Variants in CABLES1 observed in about 807,000 individuals in gnomAD.
The protein encoded by CABLES1 is CDK5 and ABL1 enzyme substrate 1.
A neutral mutation model predicts 57.8 loss-of-function variants in CABLES1; 36 were observed. The ratio of observed to expected loss-of-function variants is 0.62; its 90% CI spans 0.48 to 0.82. CABLES1 has a LOEUF of 0.82. CABLES1 is among the 40% of genes least tolerant of loss of function. The pLI, the probability that CABLES1 is intolerant of heterozygous loss-of-function variation, is 0.00. For missense variants in CABLES1, 767 were observed against 836.6 expected (o/e 0.92, Z 1.03); for synonymous variants, 374 against 363.0 (o/e 1.03, Z -0.35).
chr18:23,143,036 T>C (rs919064465), intron 1 of CABLES1, among the ~76,000 whole-genome samples: 4 of 152,200 alleles, frequency 2.6e-5, no homozygotes, highest in Admixed American at 1.3e-4. Context: ...CCCACCTCCC[T>C]CTGCTGTGCT....
At chr18:23,205,493 C>T (rs2047356559) in intron 3 of CABLES1, among the ~76,000 whole-genome samples, 1 of 152,140 alleles carries the variant, frequency 6.6e-6, no homozygotes, top group African/African-American at 2.4e-5. Flanking sequence ...CATACCTGGC[C>T]GGACATTCTC....
At chr18:23,145,797 A>G (rs1310132310) in intron 1 of CABLES1, among the ~76,000 whole-genome samples, 1 of 152,206 alleles carries the variant, frequency 6.6e-6, no homozygotes, top group Non-Finnish European at 1.5e-5. Flanking sequence ...AGTAGTTTGG[A>G]TGGCTACGCA....
intron 7 of CABLES1, among the ~76,000 whole-genome samples, chr18:23,246,241 A>G (rs2047876237): frequency 6.7e-6 from 1 of 150,150 alleles, no homozygotes; most frequent in Non-Finnish European, 1.5e-5. Context: ...ACTCCAGCCT[A>G]GGTGACAGAG....
intron 7 of CABLES1, among the ~76,000 whole-genome samples, chr18:23,240,252 A>G (rs1258214202): frequency 1.3e-5 from 2 of 152,162 alleles, no homozygotes; most frequent in East Asian, 3.9e-4. Context: ...GGTTGGCCCC[A>G]CCAGGTTTTG....
chr18:23,165,404 A>G lies in CABLES1; in HGVS notation c.846-23434A>G, dbSNP rs1354515847. ...GTAAGCCACTGTGACTGGCCCTTTT[A>G]ACCATTTTAAGTGTACAGTTCATAG... On this transcript the variant is annotated intron_variant, in intron 1 of 9. Transcript: ENST00000256925. Among the ~76,000 whole-genome samples the G allele has an allele frequency of 3.3e-5, 5 of 152,042 alleles. 1 individual carries two copies. Among genetic ancestry groups the G allele is most frequent in the African/African-American group, 1.2e-4 (5 of 41,398 alleles).
At chr18:23,141,859 T>C (rs569588865) in intron 1 of CABLES1, among the ~76,000 whole-genome samples, 2 of 151,856 alleles carry the variant, frequency 1.3e-5, no homozygotes, top group South Asian at 4.1e-4. Flanking sequence ...GCCTGGACTT[T>C]TTTTCTCTCT....
At chr18:23,252,822 G>A (rs942632132) in intron 7 of CABLES1, 138 bp from the exon 8 acceptor site, 11 of 586,010 alleles carry the variant, frequency 1.9e-5, no homozygotes, top group East Asian at 1.6e-4. Context: ...GGATTCCGCC[G>A]AGCCCTTGTT....
intron 1 of CABLES1, among the ~76,000 whole-genome samples, chr18:23,174,689 G>A (rs1158882042): frequency 1.3e-5 from 2 of 151,502 alleles, no homozygotes; most frequent in South Asian, 4.2e-4. Context: ...AGCCAGGATG[G>A]TGTCGATCTC....
chr18:23,205,081 A>G (rs544100118), intron 3 of CABLES1, among the ~76,000 whole-genome samples: 29 of 152,160 alleles, frequency 1.9e-4, no homozygotes, highest in African/African-American at 6.0e-4. Flanking sequence ...AATTATAGCT[A>G]GCAGATGACT....
At chr18:23,247,970 G>A (rs1459286286) in intron 7 of CABLES1, among the ~76,000 whole-genome samples, 2 of 152,200 alleles carry the variant, frequency 1.3e-5, no homozygotes, top group Admixed American at 6.5e-5. Context: ...GGCCTAGCTT[G>A]GATTTTTCCC....
At chr18:23,222,716 C>T (rs1036606045) in intron 4 of CABLES1, among the ~76,000 whole-genome samples, 1 of 152,108 alleles carries the variant, frequency 6.6e-6, no homozygotes, top group South Asian at 2.1e-4. Context: ...CAGCCTGGCA[C>T]CTCATCCTTG....
rs181813392 is a variant in CABLES1 at position 23,157,648 on chromosome 18, C to T, written c.845+21041C>T. Among the ~76,000 whole-genome samples the T allele has an allele frequency of 4.6e-4, 67 of 145,212 alleles. 1 individual carries two copies. Among genetic ancestry groups the T allele is most frequent in the African/African-American group, 1.7e-3 (67 of 39,124 alleles). On this transcript the variant is annotated intron_variant, in intron 1 of 9. Coordinates refer to ENST00000256925, the MANE Select transcript of CABLES1 (RefSeq NM_001100619.3). Reference sequence around the variant, plus strand: ...AAATGCTGACATCATATTTTAATACCATTTAAAAAGAAATATTATTATCTC... The same window carrying T: ...AAATGCTGACATCATATTTTAATACTATTTAAAAAGAAATATTATTATCTC...
intron 1 of CABLES1, among the ~76,000 whole-genome samples, chr18:23,166,225 G>A (rs2047041602): frequency 2.0e-5 from 3 of 148,228 alleles, no homozygotes; most frequent in Admixed American, 2.0e-4. Context: ...TTTTGAGACA[G>A]AGTTTCACTC....
At chr18:23,220,950 CA>C (rs2047482486) in intron 4 of CABLES1, among the ~76,000 whole-genome samples, 2 of 152,148 alleles carry the variant, frequency 1.3e-5, no homozygotes, top group Admixed American at 1.3e-4. Context: ...GGTGTTGATG[CA>C]CTGGCTCTCT....
Position 23,140,846 on chromosome 18 carries a change from A to C in CABLES1, c.845+4239A>C, listed in dbSNP as rs551623409. Among the ~76,000 whole-genome samples, 5 of 152,270 alleles carry C rather than the reference A, an allele frequency of 3.3e-5. 1 individual carries two copies. The South Asian group carries it at 1.0e-3, about 32-fold the overall frequency. On this transcript the variant is annotated intron_variant, in intron 1 of 9. Transcript: ENST00000256925. ...GAAGAGCCTTAAGTCCTGTGTTCAG[A>C]TGCTGGTGCCACTGTGACAGCCGTT...
chr18:23,198,763 C>A (rs2047302814), intron 3 of CABLES1, among the ~76,000 whole-genome samples: 1 of 152,180 alleles, frequency 6.6e-6, no homozygotes, highest in Non-Finnish European at 1.5e-5. Context: ...GGCAAGAAAA[C>A]CAATTCTCCC....
At chr18:23,160,018 T>C (rs2046992406) in intron 1 of CABLES1, among the ~76,000 whole-genome samples, 1 of 151,590 alleles carries the variant, frequency 6.6e-6, no homozygotes, top group Non-Finnish European at 1.5e-5. Context: ...CCAAATAAGA[T>C]AAAATTATCC....
intron 1 of CABLES1, among the ~76,000 whole-genome samples, chr18:23,158,529 A>G (rs1488701163): frequency 1.3e-5 from 2 of 152,208 alleles, no homozygotes; most frequent in African/African-American, 4.8e-5. Context: ...TGCATCGTAC[A>G]CAGCCAGTAA....
At chr18:23,215,721 T>A (rs543278056) in intron 4 of CABLES1, among the ~76,000 whole-genome samples, 1 of 152,174 alleles carries the variant, frequency 6.6e-6, no homozygotes, top group Non-Finnish European at 1.5e-5. Context: ...ACATTAAAAT[T>A]ACACACACAA....
Sources: allele counts gnomAD v4.1 joint callset (sites outside exome capture counted in the v4.1 genomes callset), GRCh38; gene constraint gnomAD v4.1.1; transcripts MANE v1.5; gene names NCBI Gene and HGNC (gene_info 2026-07-23, HGNC 2026-07-21).